The following TAF3 variants were observed in gnomAD, a reference collection of about 807,000 sequenced individuals.
TAF3 encodes TATA-box binding protein associated factor 3.
A neutral mutation model predicts 80.6 loss-of-function variants in TAF3; 7 were observed. The observed-to-expected ratio is 0.09, with a 90% CI of 0.05 to 0.16. TAF3 has a LOEUF of 0.16. Among genes scored for constraint, TAF3 ranks in the 10% least tolerant of loss-of-function variants. The pLI, the probability that TAF3 is intolerant of heterozygous loss-of-function variation, is 1.00. For missense variants in TAF3, 921 were observed against 1,140.2 expected, an observed-to-expected ratio of 0.81 and a Z score of 2.77; for synonymous variants, 444 against 446.1, an observed-to-expected ratio of 1.00 and a Z score of 0.06.
intron 2 of TAF3, among the ~76,000 whole-genome samples, chr10:7,956,835 T>A (rs1236506789): frequency 1.3e-5 from 2 of 152,168 alleles, no homozygotes; most frequent in Non-Finnish European, 2.9e-5. Flanking sequence ...GTGAAAAACA[T>A]GAAAAAATAG....
At chr10:8,011,051 AC>A (rs1225785373) in intron 5 of TAF3, among the ~76,000 whole-genome samples, 6 of 152,196 alleles carry the variant, frequency 3.9e-5, no homozygotes, top group Non-Finnish European at 7.3e-5. Context: ...ATAGAATTAA[AC>A]ACACAAACAC....
intron 2 of TAF3, among the ~76,000 whole-genome samples, chr10:7,955,883 C>T (rs1471309353): frequency 6.6e-6 from 1 of 152,044 alleles, no homozygotes; most frequent in Non-Finnish European, 1.5e-5. Flanking sequence ...TTTGTGGTGT[C>T]CTGCTCCCAT....
At chr10:7,984,430 G>T (rs140664244) in intron 4 of TAF3, among the ~76,000 whole-genome samples, 112 of 152,304 alleles carry the variant, frequency 7.4e-4, no homozygotes, top group South Asian at 1.7e-3. Context: ...CATAGATGCC[G>T]CATTAGAAGA....
chr10:7,870,149 A>C (rs1026453906), intron 2 of TAF3, among the ~76,000 whole-genome samples: 1 of 152,210 alleles, frequency 6.6e-6, no homozygotes, highest in Non-Finnish European at 1.5e-5. Flanking sequence ...TGTCTTTCCC[A>C]TTACATTACT....
chr10:7,849,781 G>A (rs1837009213), intron 2 of TAF3, among the ~76,000 whole-genome samples: 1 of 151,794 alleles, frequency 6.6e-6, no homozygotes, highest in South Asian at 2.1e-4. Context: ...CCAGGCTCAA[G>A]CGATCCTCCC....
intron 2 of TAF3, among the ~76,000 whole-genome samples, chr10:7,865,336 A>G (rs1837200284): frequency 6.6e-6 from 1 of 151,936 alleles, no homozygotes. Flanking sequence ...AAAATTAGCC[A>G]GGTATGGTGG....
chr10:8,002,329 C>T (rs749545059), intron 4 of TAF3, among the ~76,000 whole-genome samples: 13 of 152,124 alleles, frequency 8.5e-5, no homozygotes, highest in African/African-American at 1.7e-4. Flanking sequence ...CGTCGCACAT[C>T]GTAAAGCATA....
chr10:7,827,026 C>T (rs1836748676), intron 2 of TAF3, among the ~76,000 whole-genome samples: 2 of 152,116 alleles, frequency 1.3e-5, no homozygotes, highest in Admixed American at 6.5e-5. Flanking sequence ...ATATTATTAG[C>T]AAGGTCCTTC....
intron 2 of TAF3, among the ~76,000 whole-genome samples, chr10:7,862,667 A>G (rs949510518): frequency 2.6e-5 from 4 of 152,148 alleles, no homozygotes; most frequent in African/African-American, 4.8e-5. Context: ...TTTGCAATCC[A>G]TATCTCCTCT....
At chr10:8,013,378 G>C (rs1055871835) in intron 5 of TAF3, among the ~76,000 whole-genome samples, 2 of 151,580 alleles carry the variant, frequency 1.3e-5, no homozygotes, top group African/African-American at 4.8e-5. Context: ...CCCTTATAAA[G>C]ACCCAAATCA....
chr10:7,881,486 CACAA>C (rs1025269159), intron 2 of TAF3, among the ~76,000 whole-genome samples: 26 of 132,572 alleles, frequency 2.0e-4, no homozygotes, highest in African/African-American at 6.6e-4. Flanking sequence ...CACACATACA[CACAA>C]ACACACACAC....
chr10:7,849,523 T>G (rs1230369027), intron 2 of TAF3, among the ~76,000 whole-genome samples: 3 of 152,196 alleles, frequency 2.0e-5, no homozygotes, highest in African/African-American at 7.2e-5. Context: ...TTTAAAAAAT[T>G]ATGTAATTGT....
chr10:7,960,438 C>T (rs1838179196), intron 2 of TAF3, among the ~76,000 whole-genome samples: 1 of 152,164 alleles, frequency 6.6e-6, no homozygotes, highest in African/African-American at 2.4e-5. Context: ...AACTGGAACA[C>T]AGTAGACCCC....
intron 2 of TAF3, among the ~76,000 whole-genome samples, chr10:7,845,959 GTTT>G (rs34163537): frequency 0.012 from 1,595 of 130,912 alleles, 88 homozygotes; most frequent in Admixed American, 0.1. Flanking sequence ...GTGTGTTTTT[GTTT>G]TTTTTTTTTT....
chr10:7,998,856 A>G (rs983542016), intron 4 of TAF3, among the ~76,000 whole-genome samples: 10 of 152,128 alleles, frequency 6.6e-5, no homozygotes, highest in Non-Finnish European at 1.0e-4. Flanking sequence ...AAAAGAAAAA[A>G]AAAGAAAGAA....
chr10:7,837,599 C>T (rs578013280), intron 2 of TAF3, among the ~76,000 whole-genome samples: 1 of 152,262 alleles, frequency 6.6e-6, no homozygotes, highest in East Asian at 1.9e-4. Flanking sequence ...TCTGAGATTG[C>T]ACCAGTGTAC....
chr10:7,819,664 C>T (rs922693992), intron 1 of TAF3, among the ~76,000 whole-genome samples: 2 of 152,130 alleles, frequency 1.3e-5, no homozygotes, highest in Non-Finnish European at 2.9e-5. Context: ...AATAGAAGCT[C>T]CACATTATCT....
At chr10:7,947,190 TGTC>T (rs1838033068) in intron 2 of TAF3, among the ~76,000 whole-genome samples, 1 of 152,334 alleles carries the variant, frequency 6.6e-6, no homozygotes, top group Admixed American at 6.5e-5. Flanking sequence ...GTTATTGAAA[TGTC>T]GGCAGCCCTA....
rs866779792 is a variant in TAF3, at chr10:7,873,624, C to A, written c.409+49064C>A. Among the ~76,000 whole-genome samples, 15 of 143,648 alleles carry A rather than the reference C, an allele frequency of 1.0e-4. 2 individuals carry two copies. The highest frequency in any genetic ancestry group is 2.0e-4 in the East Asian group (1 of 4,940). 94.2% of individuals were successfully genotyped at this position (143,648 alleles called of 152,430 possible). A position where few individuals can be genotyped will look rare whatever the true frequency, so the allele number is the denominator to read the frequency against. The stretch of plus-strand genomic sequence containing the variant: ...GGGAAGACATCCGAGTTCTCCCCCC[C>A]CCCCCGTCAAAAGGGGGTGTCGAAT... On this transcript the variant is annotated intron_variant, in intron 2 of 6. Coordinates refer to ENST00000344293, the MANE Select transcript of TAF3 (RefSeq NM_031923.4).
Sources: gnomAD v4.1 joint callset for allele counts (sites outside exome capture counted in the v4.1 genomes callset) on GRCh38, gnomAD v4.1.1 for gene constraint, MANE v1.5 for transcripts, NCBI Gene and HGNC (gene_info 2026-07-23, HGNC 2026-07-21) for gene names.